The following TENM3 variants were observed in gnomAD, a reference collection of about 807,000 sequenced individuals.
TENM3 encodes the protein teneurin transmembrane protein 3.
Under a neutral mutation model 255.1 loss-of-function variants are expected in TENM3, and 63 were observed. The observed-to-expected ratio is 0.25, with a 90% confidence interval of 0.20 to 0.30. TENM3 has a LOEUF of 0.30. Among genes scored for constraint, TENM3 ranks in the 10% least tolerant of loss-of-function variants. The pLI is 1.00. For missense variants in TENM3, 2,929 were observed against 3,461.1 expected, an observed-to-expected ratio of 0.85 and a Z score of 3.86; for synonymous variants, 1,306 against 1,322.3, an observed-to-expected ratio of 0.99 and a Z score of 0.27.
intron 3 of TENM3, among the ~76,000 whole-genome samples, chr4:182,526,237 C>G (rs1315476597): frequency 6.6e-6 from 1 of 152,048 alleles, no homozygotes; most frequent in Admixed American, 6.6e-5. Flanking sequence ...ACCTCAGCCT[C>G]CCAAAGTGCT....
intron 4 of TENM3, among the ~76,000 whole-genome samples, chr4:182,619,982 C>T (rs1361691728): frequency 2.0e-5 from 3 of 152,174 alleles, no homozygotes; most frequent in African/African-American, 7.2e-5. Context: ...TTTTCATTCC[C>T]AAATATGGTC....
intron 1 of TENM3, among the ~76,000 whole-genome samples, chr4:182,161,884 C>CACATATATGTGTATATATGTGTATATAT (rs1751340711): frequency 3.7e-5 from 2 of 53,798 alleles, no homozygotes; most frequent in African/African-American, 1.6e-4. Flanking sequence ...TATATATATA[C>CACATATATGTGTATATATGTGTATATAT]ACACATATAT....
chr4:182,730,249 C>T lies in TENM3; in HGVS notation c.2635C>T (p.Leu879Phe). Reference protein sequence around the residue: ...GQVLTADGTPLIGVNVSFFHY... With the variant: ...GQVLTADGTPFIGVNVSFFHY... ...AGTACTGACTGCTGATGGAACTCCACTTATTGGAGTAAATGTCTCGTTTTT... is the reference window on the plus strand; with the variant it reads ...AGTACTGACTGCTGATGGAACTCCATTTATTGGAGTAAATGTCTCGTTTTT... Residue 879 changes from leucine to phenylalanine, a missense_variant, in exon 15 of 28, where the codon CTT becomes TTT. Leu to Phe is a conservative substitution (Grantham distance 22). Around this residue, in one of 6 missense-constraint regions of TENM3, gnomAD observed 1,608 missense variants for 1,884.4 expected, o/e 0.85. Coordinates refer to ENST00000511685, the MANE Select transcript of TENM3 (RefSeq NM_001080477.4). 2 of 1,613,368 alleles carry T rather than the reference C, an allele frequency of 1.2e-6. No individual in the cohort carries two copies. The highest frequency in any genetic ancestry group is 1.7e-6 in the Non-Finnish European group (2 of 1,179,326).
the TENM3 span, among the ~76,000 whole-genome samples, chr4:181,646,178 C>A: frequency 6.6e-6 from 1 of 152,216 alleles, no homozygotes; most frequent in Non-Finnish European, 1.5e-5. Flanking sequence ...ATCACACACA[C>A]AAACATTAAA....
intron 3 of TENM3, among the ~76,000 whole-genome samples, chr4:182,351,563 G>A (rs1325663237): frequency 1.3e-5 from 2 of 152,158 alleles, no homozygotes; most frequent in African/African-American, 4.8e-5. Flanking sequence ...CTCTCCTGTT[G>A]GAGTCTAGTT....
chr4:181,672,111 A>G, the TENM3 span, among the ~76,000 whole-genome samples: 1 of 152,188 alleles, frequency 6.6e-6, no homozygotes, highest in African/African-American at 2.4e-5. Flanking sequence ...GCAAATATGT[A>G]CTATCATGAT....
chr4:181,532,055 T>G, the TENM3 span, among the ~76,000 whole-genome samples: 1 of 152,260 alleles, frequency 6.6e-6, no homozygotes, highest in African/African-American at 2.4e-5. Flanking sequence ...AGAAAGCCAT[T>G]ATGTCTTTGA....
intron 1 of TENM3, among the ~76,000 whole-genome samples, chr4:182,226,346 A>C (rs1310720245): frequency 6.6e-6 from 1 of 152,186 alleles, no homozygotes; most frequent in South Asian, 2.1e-4. Flanking sequence ...CAAGTGATCT[A>C]TTTATTCTTG....
At chr4:181,470,108 T>TAAAAAAAAAAAAAA in the TENM3 span, among the ~76,000 whole-genome samples, 22 of 112,756 alleles carry the variant, frequency 2.0e-4, no homozygotes, top group African/African-American at 7.2e-4. Context: ...ATAGCTTCTG[T>TAAAAAAAAAAAAAA]AAAAAAAAAA....
rs78787812 is a variant in TENM3, at chr4:182,776,746, T to G, written c.5304+1593T>G. Among the ~76,000 whole-genome samples, 4 of 152,226 alleles carry G rather than the reference T, an allele frequency of 2.6e-5. No individual in the cohort carries two copies. The East Asian group carries it at 7.7e-4, about 29-fold the overall frequency. On this transcript the variant is annotated intron_variant, in intron 24 of 27. Coordinates refer to ENST00000511685, the MANE Select transcript of TENM3 (RefSeq NM_001080477.4). ...CCCTGGTTCTCTGCCTAATCCTAAA[T>G]GAAGAAAATACCTCACTTGAGGAAG...
the TENM3 span, among the ~76,000 whole-genome samples, chr4:181,923,674 A>G: frequency 6.6e-6 from 1 of 152,164 alleles, no homozygotes; most frequent in African/African-American, 2.4e-5. Context: ...ATTGGATAAG[A>G]AGTGAATAAA....
chr4:182,026,791 G>C, the TENM3 span, among the ~76,000 whole-genome samples: 1 of 152,132 alleles, frequency 6.6e-6, no homozygotes, highest in African/African-American at 2.4e-5. Flanking sequence ...TTTGTTTCTG[G>C]GTTCTTTACT....
the TENM3 span, among the ~76,000 whole-genome samples, chr4:181,742,448 A>T: frequency 0.012 from 1,830 of 152,198 alleles, 39 homozygotes; most frequent in African/African-American, 0.042. Context: ...TGTACCAGGA[A>T]CTATTTCTGG....
the TENM3 span, among the ~76,000 whole-genome samples, chr4:181,520,115 C>G: frequency 6.6e-6 from 1 of 152,102 alleles, no homozygotes; most frequent in Non-Finnish European, 1.5e-5. Flanking sequence ...GGCAAAGCCC[C>G]AAATCCTCTA....
At chr4:182,330,140 G>C (rs939033067) in intron 2 of TENM3, among the ~76,000 whole-genome samples, 1 of 152,120 alleles carries the variant, frequency 6.6e-6, no homozygotes, top group African/African-American at 2.4e-5. Context: ...CTTTTCCCAT[G>C]CGTCACTAGT....
rs1025968660 is a variant in TENM3, at chr4:182,308,433, C to T, written c.-75-15513C>T. On this transcript the variant is annotated intron_variant, in intron 1 of 27. Coordinates refer to ENST00000511685, the MANE Select transcript of TENM3 (RefSeq NM_001080477.4). ...CTGGGCTCAAGTGATCCTTCCACCC[C>T]AGCCTTCTGAGTAGCTAGGCCTACA... is the stretch of plus-strand genomic sequence containing the variant. 2.6e-5 allele frequency among the ~76,000 whole-genome samples: 4 copies of T among 152,214 alleles called. No individual in the cohort carries two copies. In the East Asian group the frequency reaches 7.7e-4, roughly 29 times the overall value.
intron 3 of TENM3, among the ~76,000 whole-genome samples, chr4:182,535,450 T>C (rs560052571): frequency 1.3e-5 from 2 of 152,258 alleles, no homozygotes; most frequent in African/African-American, 4.8e-5. Flanking sequence ...GAATTTTTAT[T>C]GTGGCTGGGA....
chr4:181,889,749 G>A, the TENM3 span, among the ~76,000 whole-genome samples: 9 of 152,140 alleles, frequency 5.9e-5, no homozygotes, highest in Non-Finnish European at 1.5e-5. Flanking sequence ...ATTTTGGGAA[G>A]AGTGTGGAAA....
chr4:182,267,633 T>C (rs1759325961), intron 1 of TENM3, among the ~76,000 whole-genome samples: 1 of 151,770 alleles, frequency 6.6e-6, no homozygotes, highest in East Asian at 1.9e-4. Context: ...TATTGGAGTG[T>C]GCAAACCCAT....
Sources: allele counts gnomAD v4.1 joint callset (sites outside exome capture counted in the v4.1 genomes callset), GRCh38; gene constraint gnomAD v4.1.1; regional missense constraint gnomAD v4.1.1; transcripts MANE v1.5; gene names NCBI Gene and HGNC (gene_info 2026-07-23, HGNC 2026-07-21).